The following CTNNA2 variants were observed in gnomAD, a reference collection of about 807,000 sequenced individuals.
CTNNA2 encodes the protein catenin alpha-2.
CTNNA2 carries 42 observed loss-of-function variants against 101.0 expected under a neutral mutation model. The ratio of observed to expected loss-of-function variants is 0.42; its 90% CI spans 0.32 to 0.54. The LOEUF is 0.54. Ranked by LOEUF, CTNNA2 falls within the 20% of genes least tolerant of loss-of-function variation. The pLI, the probability that CTNNA2 is intolerant of heterozygous loss-of-function variation, is 0.14. For missense variants in CTNNA2, 871 were observed against 1,223.1 expected, an observed-to-expected ratio of 0.71 and a Z score of 4.29; for synonymous variants, 450 against 456.4, an observed-to-expected ratio of 0.99 and a Z score of 0.18.
chr2:79,838,358 T>C (rs1011570342), intron 3 of CTNNA2, among the ~76,000 whole-genome samples: 1 of 151,398 alleles, frequency 6.6e-6, no homozygotes, highest in Non-Finnish European at 1.5e-5. Flanking sequence ...TGTAGGAGGG[T>C]GGAGGGTAAA....
intron 1 of CTNNA2, among the ~76,000 whole-genome samples, chr2:79,565,648 A>G (rs1168913324): frequency 9.9e-5 from 15 of 152,164 alleles, no homozygotes; most frequent in Admixed American, 9.2e-4. Context: ...TGGTAAGTGA[A>G]AAGAAGAGTC....
intron 2 of CTNNA2, among the ~76,000 whole-genome samples, chr2:79,311,138 T>G (rs1207839026): frequency 6.6e-6 from 1 of 152,170 alleles, no homozygotes; most frequent in Non-Finnish European, 1.5e-5. Flanking sequence ...GGCCGGGCGC[T>G]GTGGCTCACG....
chr2:80,579,898 A>C (rs1263935727), intron 13 of CTNNA2, among the ~76,000 whole-genome samples: 1 of 152,218 alleles, frequency 6.6e-6, no homozygotes, highest in Non-Finnish European at 1.5e-5. Context: ...GGGCAACTAC[A>C]TCATCGGTAT....
chr2:80,490,280 A>AT (rs1553535532), intron 9 of CTNNA2, among the ~76,000 whole-genome samples: 1 of 55,766 alleles, frequency 1.8e-5, no homozygotes, highest in Admixed American at 2.3e-4. Context: ...TTCCCCCCCC[A>AT]CCCCCCCCCC....
intron 18 of CTNNA2, among the ~76,000 whole-genome samples, chr2:80,628,169 G>A (rs569426755): frequency 6.6e-6 from 1 of 152,118 alleles, no homozygotes; most frequent in Admixed American, 6.6e-5. Flanking sequence ...GATCAATATT[G>A]TGAAAATGGC....
At chr2:79,783,996 T>A (rs1674650571) in intron 3 of CTNNA2, among the ~76,000 whole-genome samples, 1 of 152,210 alleles carries the variant, frequency 6.6e-6, no homozygotes, top group South Asian at 2.1e-4. Flanking sequence ...GTATTTTAGC[T>A]TTATGATTAA....
At chr2:79,411,519 GA>G (rs1319963747) in intron 4 of CTNNA2, among the ~76,000 whole-genome samples, 2 of 152,036 alleles carry the variant, frequency 1.3e-5, no homozygotes, top group African/African-American at 4.8e-5. Context: ...CCCACAAAGG[GA>G]AGCCCATCAG....
At chr2:79,626,109 T>C (rs1679285813) in intron 1 of CTNNA2, among the ~76,000 whole-genome samples, 1 of 152,186 alleles carries the variant, frequency 6.6e-6, no homozygotes, top group Non-Finnish European at 1.5e-5. Flanking sequence ...CTGTGGGAGC[T>C]ACATCATCTT....
intron 7 of CTNNA2, among the ~76,000 whole-genome samples, chr2:80,200,279 G>A (rs183021285): frequency 5.3e-5 from 8 of 152,284 alleles, no homozygotes; most frequent in African/African-American, 7.2e-5. Context: ...ATGAGAAACA[G>A]ACTCTGAATT....
rs137973038 is a variant in CTNNA2, at chr2:79,390,417, A to G, written c.-135+16404A>G. Among the ~76,000 whole-genome samples the G allele has an allele frequency of 1.0e-3, 159 of 152,322 alleles. 1 individual carries two copies. The highest frequency in any genetic ancestry group is 1.5e-3 in the Non-Finnish European group (102 of 68,032). ...CTCTTTTTCAGATTAAGAAAACAAAATTAGAATTTTCTTCTCTTTCTTCAA... is the reference window on the plus strand; with the variant it reads ...CTCTTTTTCAGATTAAGAAAACAAAGTTAGAATTTTCTTCTCTTTCTTCAA... On this transcript the variant is annotated intron_variant, in intron 4 of 21. Coordinates refer to the CTNNA2 transcript ENST00000466387.
chr2:79,590,209 T>C lies in CTNNA2; in HGVS notation c.-5-61343T>C, dbSNP rs561606151. On this transcript the variant is annotated intron_variant, in intron 1 of 18. Transcript: ENST00000402739. ...GGGTGAGCTTTTCCTCTAGCAACTT[T>C]GCTGAAACATGTATACTTAACCATG... Among the ~76,000 whole-genome samples the C allele has an allele frequency of 2.6e-5, 4 of 152,330 alleles. No individual in the cohort carries two copies. The South Asian group carries it at 8.3e-4, about 32-fold the overall frequency.
At chr2:80,071,642 C>T (rs1225850652) in intron 7 of CTNNA2, among the ~76,000 whole-genome samples, 1 of 152,182 alleles carries the variant, frequency 6.6e-6, no homozygotes. Context: ...GCCCTTACAT[C>T]CAATAAATCT....
intron 4 of CTNNA2, among the ~76,000 whole-genome samples, chr2:79,492,439 G>T (rs1033177574): frequency 5.9e-5 from 9 of 151,856 alleles, no homozygotes; most frequent in African/African-American, 2.2e-4. Flanking sequence ...CAAACATATA[G>T]AATGTATAAT....
intron 3 of CTNNA2, among the ~76,000 whole-genome samples, chr2:79,784,513 A>G (rs114076656): frequency 0.025 from 3,824 of 150,720 alleles, 154 homozygotes; most frequent in African/African-American, 0.088. Flanking sequence ...TCTAGGAGAC[A>G]TATCAAACTT....
chr2:80,034,600 C>T (rs569392364), intron 7 of CTNNA2, among the ~76,000 whole-genome samples: 15 of 152,202 alleles, frequency 9.9e-5, no homozygotes, highest in Admixed American at 4.6e-4. Flanking sequence ...GTGATCCGCC[C>T]GCTTCTGCCT....
At chr2:79,187,270 CTTT>C (rs781414965) in intron 1 of CTNNA2, among the ~76,000 whole-genome samples, 22 of 65,462 alleles carry the variant, frequency 3.4e-4, no homozygotes, top group African/African-American at 8.6e-4. Context: ...CTTTTCTTTT[CTTT>C]TTTTTTTTTT....
At chr2:79,577,620 G>T (rs987781245) in intron 1 of CTNNA2, among the ~76,000 whole-genome samples, 3 of 152,016 alleles carry the variant, frequency 2.0e-5, no homozygotes, top group Non-Finnish European at 4.4e-5. Context: ...GATAGTCTAA[G>T]TATTATCTTA....
intron 6 of CTNNA2, among the ~76,000 whole-genome samples, chr2:79,886,750 C>CAAAAAAAAAAA (rs1168632966): frequency 4.3e-4 from 10 of 23,240 alleles, no homozygotes; most frequent in Non-Finnish European, 5.5e-4. Flanking sequence ...GACTCCATCT[C>CAAAAAAAAAAA]AAAAAAAAAA....
At chr2:79,751,023 CT>C in intron 3 of CTNNA2, among the ~76,000 whole-genome samples, 2 of 152,156 alleles carry the variant, frequency 1.3e-5, no homozygotes, top group Middle Eastern at 6.8e-3. Context: ...TAAGTATATA[CT>C]GGGCAGTCAA....
Sources: gnomAD v4.1 joint callset for allele counts (sites outside exome capture counted in the v4.1 genomes callset) on GRCh38, gnomAD v4.1.1 for gene constraint, MANE v1.5 for transcripts, NCBI Gene and HGNC (gene_info 2026-07-23, HGNC 2026-07-21) for gene names.